HS3ST4: variants seen among roughly 807,000 people sequenced by gnomAD.
HS3ST4 encodes the protein heparan sulfate glucosamine 3-O-sulfotransferase 4.
A neutral mutation model predicts 29.2 loss-of-function variants in HS3ST4; 17 were observed. The observed-to-expected ratio is 0.58, with a 90% CI of 0.40 to 0.87. The LOEUF (loss-of-function observed/expected upper bound fraction) is 0.87, where lower values mean the gene tolerates loss of function less well. Ranked by LOEUF, HS3ST4 falls within the 40% of genes least tolerant of loss-of-function variation. HS3ST4 has a pLI of 0.00. For missense variants in HS3ST4, 627 were observed against 634.5 expected, an observed-to-expected ratio of 0.99 and a Z score of 0.13; for synonymous variants, 314 against 285.7, an observed-to-expected ratio of 1.10 and a Z score of -1.00.
intron 1 of HS3ST4, among the ~76,000 whole-genome samples, chr16:25,815,531 C>A (rs1171008148): frequency 1.1e-4 from 16 of 152,150 alleles, no homozygotes; most frequent in African/African-American, 3.9e-4. Context: ...ACCTTGTTGG[C>A]CAGGCTAGTC....
rs879452339 is a variant in HS3ST4 at position 25,862,162 on chromosome 16, C to CTT, written c.734+169011_734+169012insTT. 2.7e-3 allele frequency among the ~76,000 whole-genome samples: 273 copies of CTT among 101,698 alleles called. 2 individuals carry two copies. Among genetic ancestry groups the CTT allele is most frequent in the East Asian group, 5.3e-3 (19 of 3,586 alleles). 66.7% of individuals were successfully genotyped at this position (101,698 alleles called of 152,430 possible). A position where few individuals can be genotyped will look rare whatever the true frequency, so the allele number is the denominator to read the frequency against. ...CTCCTATGAGAATTTTATTTATTTA[C>CTT]ATATTTATTTATTTATTTATTTATT... On this transcript the variant is annotated intron_variant, in intron 1 of 1. Coordinates refer to ENST00000331351, the MANE Select transcript of HS3ST4 (RefSeq NM_006040.3).
At chr16:25,932,835 G>A (rs1567275367) in intron 1 of HS3ST4, among the ~76,000 whole-genome samples, 2 of 152,204 alleles carry the variant, frequency 1.3e-5, no homozygotes, top group Non-Finnish European at 2.9e-5. Flanking sequence ...TTTAAACTCA[G>A]TTCAGCTTGG....
chr16:26,046,381 C>G (rs1254192391), intron 1 of HS3ST4, among the ~76,000 whole-genome samples: 1 of 152,076 alleles, frequency 6.6e-6, no homozygotes. Context: ...GAACTCTTGA[C>G]TTCAGGCCAT....
intron 1 of HS3ST4, among the ~76,000 whole-genome samples, chr16:26,033,691 C>T (rs141612859): frequency 2.6e-5 from 4 of 152,242 alleles, no homozygotes; most frequent in East Asian, 3.9e-4. Context: ...CACTGCGCTC[C>T]AGCCTGGGCA....
At chr16:25,828,221 C>A (rs13334571) in intron 1 of HS3ST4, among the ~76,000 whole-genome samples, 1 of 107,086 alleles carries the variant, frequency 9.3e-6, no homozygotes. Context: ...TGCTTTCTTT[C>A]CTTTCTTTCT....
At chr16:25,726,313 C>T (rs1438451087) in intron 1 of HS3ST4, among the ~76,000 whole-genome samples, 2 of 151,838 alleles carry the variant, frequency 1.3e-5, no homozygotes, top group East Asian at 3.9e-4. Flanking sequence ...CACGTCCACA[C>T]ACACACACGT....
intron 1 of HS3ST4, among the ~76,000 whole-genome samples, chr16:25,933,851 G>A (rs1056836758): frequency 2.6e-5 from 4 of 152,054 alleles, no homozygotes; most frequent in African/African-American, 9.7e-5. Context: ...CTCATAGAGC[G>A]AGAACCCACT....
chr16:25,828,301 C>CT lies in HS3ST4; in HGVS notation c.734+135150_734+135151insT, dbSNP rs1555467593. ...CTTTCTTTCTTTCTTTCTTTCTTTC[C>CT]CTCTCTCTCTCTCTCTCTCTCTCTC... On this transcript the variant is annotated intron_variant, in intron 1 of 1. Transcript: ENST00000331351. 8.0e-3 allele frequency among the ~76,000 whole-genome samples: 262 copies of CT among 32,870 alleles called. 17 individuals carry two copies. The highest frequency in any genetic ancestry group is 0.034 in the South Asian group (19 of 558). The allele number at this position is 32,870 out of a possible 152,430, so 21.6% of individuals were successfully genotyped here. A position where few individuals can be genotyped will look rare whatever the true frequency, so the allele number is the denominator to read the frequency against.
intron 1 of HS3ST4, among the ~76,000 whole-genome samples, chr16:25,880,607 A>G (rs1967884498): frequency 6.6e-6 from 1 of 152,192 alleles, no homozygotes; most frequent in African/African-American, 2.4e-5. Context: ...AGGCAGCATT[A>G]TAGGGCCATT....
intron 1 of HS3ST4, among the ~76,000 whole-genome samples, chr16:25,792,162 A>G (rs1229341255): frequency 6.6e-6 from 1 of 151,768 alleles, no homozygotes; most frequent in Admixed American, 6.6e-5. Flanking sequence ...TTTTTGAATT[A>G]CTGGGATTTA....
chr16:25,727,464 A>G (rs539889076), intron 1 of HS3ST4, among the ~76,000 whole-genome samples: 24 of 152,204 alleles, frequency 1.6e-4, no homozygotes, highest in South Asian at 4.1e-4. Flanking sequence ...TAGATAATGG[A>G]AAAAAAGGTT....
intron 1 of HS3ST4, among the ~76,000 whole-genome samples, chr16:25,948,833 T>A (rs1387309787): frequency 6.6e-6 from 1 of 152,158 alleles, no homozygotes; most frequent in Non-Finnish European, 1.5e-5. Context: ...GTGACCTCCG[T>A]GGCACTGTGC....
chr16:25,833,320 G>T (rs1206080204), intron 1 of HS3ST4, among the ~76,000 whole-genome samples: 3 of 152,064 alleles, frequency 2.0e-5, no homozygotes, highest in African/African-American at 7.3e-5. Context: ...ATCCAAGATT[G>T]ATCTTGGAGT....
chr16:25,796,012 C>T (rs1267616355), intron 1 of HS3ST4, among the ~76,000 whole-genome samples: 1 of 151,982 alleles, frequency 6.6e-6, no homozygotes, highest in African/African-American at 2.4e-5. Flanking sequence ...TAGATAAATG[C>T]CAAGAGGAAA....
chr16:26,060,612 C>G (rs1446095442), intron 1 of HS3ST4, among the ~76,000 whole-genome samples: 5 of 152,152 alleles, frequency 3.3e-5, no homozygotes. Context: ...TGTTTCTCAG[C>G]ATAGTTCTGC....
intron 1 of HS3ST4, among the ~76,000 whole-genome samples, chr16:25,971,813 C>T (rs1467098175): frequency 6.6e-6 from 1 of 152,044 alleles, no homozygotes; most frequent in Non-Finnish European, 1.5e-5. Flanking sequence ...GGCCTGTAAT[C>T]CCAGCTACTT....
At chr16:25,895,153 G>A (rs1040023326) in intron 1 of HS3ST4, among the ~76,000 whole-genome samples, 25 of 141,388 alleles carry the variant, frequency 1.8e-4, no homozygotes, top group Admixed American at 3.5e-4. Context: ...GTGTGTGTGT[G>A]TGTGTGTGCT....
chr16:25,723,850 A>C (rs1320253277), intron 1 of HS3ST4, among the ~76,000 whole-genome samples: 1 of 152,174 alleles, frequency 6.6e-6, no homozygotes, highest in East Asian at 1.9e-4. Context: ...GCAGTGGCTC[A>C]CGCCTGTAAT....
chr16:26,100,607 G>A (rs564720626), intron 1 of HS3ST4, among the ~76,000 whole-genome samples: 1 of 152,214 alleles, frequency 6.6e-6, no homozygotes, highest in Admixed American at 6.5e-5. Flanking sequence ...CACCTGCTCT[G>A]AATCCATGGG....
Sources: allele counts gnomAD v4.1 joint callset (sites outside exome capture counted in the v4.1 genomes callset), GRCh38; gene constraint gnomAD v4.1.1; transcripts MANE v1.5; gene names NCBI Gene and HGNC (gene_info 2026-07-23, HGNC 2026-07-21).